The following TTLL9 variants were observed in gnomAD, a reference collection of about 807,000 sequenced individuals.
TTLL9 encodes probable tubulin polyglutamylase TTLL9.
In TTLL9, 47 loss-of-function variants were observed where a neutral mutation model predicts 65.6. That is an observed-to-expected ratio of 0.72 (90% confidence interval 0.57 to 0.91). The LOEUF (loss-of-function observed/expected upper bound fraction) is 0.91. Ranked by LOEUF, TTLL9 falls within the 40% of genes least tolerant of loss-of-function variation. The probability of loss-of-function intolerance (pLI) is 0.00; values close to 1 mark genes in which losing one functional copy is unlikely to be tolerated. For synonymous variants in TTLL9, 179 were observed against 204.8 expected, an observed-to-expected ratio of 0.87 and a Z score of 1.07; for missense variants, 537 against 568.8, an observed-to-expected ratio of 0.94 and a Z score of 0.57.
At chr20:31,873,279 T>C (rs973999091) in intron 2 of TTLL9, among the ~76,000 whole-genome samples, 1 of 152,198 alleles carries the variant, frequency 6.6e-6, no homozygotes, top group African/African-American at 2.4e-5. Context: ...TATTGGGCAC[T>C]GAGCTATATG....
At position 31,944,463 on chromosome 20, in the gene TTLL9, C is replaced by T. The variant is rs935868045; in HGVS notation, c.*1442C>T. The stretch of plus-strand genomic sequence containing the variant: ...TCTCCTTCCCTCCCACCTGTGCGCC[C>T]CAACCCTGCAGGTGCTGTTCTGAGG... On this transcript the variant is annotated 3_prime_UTR_variant, in exon 15 of 15. Coordinates refer to ENST00000535842, the MANE Select transcript of TTLL9 (RefSeq NM_001008409.5). 1 of 152,860 alleles carries T rather than the reference C, an allele frequency of 6.5e-6. No homozygotes were observed. Among genetic ancestry groups the T allele is most frequent in the Non-Finnish European group, 1.5e-5 (1 of 68,512 alleles). 9.5% of individuals were successfully genotyped at this position (152,860 alleles called of 1,614,324 possible). A position where few individuals can be genotyped will look rare whatever the true frequency, so the allele number is the denominator to read the frequency against.
At chr20:31,940,292 A>C (rs1446443544) in intron 14 of TTLL9, 1 of 152,178 alleles carries the variant, frequency 6.6e-6, no homozygotes, top group East Asian at 1.9e-4. Flanking sequence ...ATTACTGGTG[A>C]GGTTTCCGTT....
intron 5 of TTLL9, among the ~76,000 whole-genome samples, chr20:31,909,421 C>T (rs891394116): frequency 2.6e-5 from 4 of 152,174 alleles, no homozygotes; most frequent in South Asian, 2.1e-4. Flanking sequence ...GGATTACAGG[C>T]GTGAGCCACT....
intron 4 of TTLL9, among the ~76,000 whole-genome samples, chr20:31,905,197 A>G (rs979283097): frequency 3.9e-5 from 6 of 152,034 alleles, no homozygotes; most frequent in African/African-American, 1.4e-4. Flanking sequence ...CAGCCTCCCA[A>G]GTAACTGGGA....
chr20:31,902,163 C>T (rs895138381), intron 4 of TTLL9, among the ~76,000 whole-genome samples: 8 of 152,104 alleles, frequency 5.3e-5, no homozygotes, highest in Non-Finnish European at 1.2e-4. Flanking sequence ...AATTCCAGAA[C>T]ATTTTCATCA....
At position 31,902,109 on chromosome 20, in the gene TTLL9, CT is replaced by C. The variant is rs59764711; in HGVS notation, c.206+3553del. ...TCACAAAGTTGTGTAATCATCACCACTTTTTTTTTCCCCCACATACCTGCTG... is the reference window on the plus strand; with the variant it reads ...TCACAAAGTTGTGTAATCATCACCACTTTTTTTTCCCCCACATACCTGCTG... On this transcript the variant is annotated intron_variant, in intron 4 of 14. Transcript: ENST00000535842. Among the ~76,000 whole-genome samples the C allele has an allele frequency of 4.1e-3, 616 of 151,658 alleles. 2 individuals are homozygous for C. The highest frequency in any genetic ancestry group is 0.013 in the African/African-American group (540 of 41,354).
intron 10 of TTLL9, among the ~76,000 whole-genome samples, chr20:31,932,412 C>T (rs1458829375): frequency 3.4e-5 from 5 of 145,626 alleles, no homozygotes; most frequent in African/African-American, 1.3e-4. Context: ...GCGGAGGTTG[C>T]AGTGAGATGA....
At chr20:31,888,907 G>T (rs538038517) in intron 3 of TTLL9, among the ~76,000 whole-genome samples, 2 of 152,028 alleles carry the variant, frequency 1.3e-5, no homozygotes, top group South Asian at 4.2e-4. Flanking sequence ...ATTCATGAGG[G>T]ATCCATTTTC....
At chr20:31,873,737 A>G (rs1274198817) in intron 2 of TTLL9, among the ~76,000 whole-genome samples, 2,646 of 133,036 alleles carry the variant, frequency 0.02, 27 homozygotes, top group Non-Finnish European at 0.031. Flanking sequence ...AAAGAAAGAA[A>G]AAGGAAGGAA....
intron 14 of TTLL9, among the ~76,000 whole-genome samples, chr20:31,941,735 T>G (rs1442363726): frequency 3.3e-5 from 5 of 152,102 alleles, no homozygotes; most frequent in African/African-American, 7.2e-5. Flanking sequence ...AATTTTATTT[T>G]TGTGTGTGTG....
intron 4 of TTLL9, among the ~76,000 whole-genome samples, chr20:31,906,248 G>A (rs1568783370): frequency 6.6e-6 from 1 of 152,132 alleles, no homozygotes; most frequent in Non-Finnish European, 1.5e-5. Flanking sequence ...TGACATTGGG[G>A]GCATCAGCTG....
rs548292055 is a variant in TTLL9, at chr20:31,894,204, A to G, written c.114-4269A>G. ...CTGCAGCTTTAACCTCCTGGGCTCA[A>G]GTGATCCTCCCACCTCAGCTCCCCA... On this transcript the variant is annotated intron_variant, in intron 3 of 14. Coordinates refer to ENST00000535842, the MANE Select transcript of TTLL9 (RefSeq NM_001008409.5). Among the ~76,000 whole-genome samples the G allele has an allele frequency of 6.8e-5, 10 of 146,762 alleles. No individual in the cohort carries two copies. The South Asian group carries it at 1.7e-3, about 25-fold the overall frequency.
At chr20:31,926,737 C>T (rs1272687787) in intron 10 of TTLL9, among the ~76,000 whole-genome samples, 1 of 152,142 alleles carries the variant, frequency 6.6e-6, no homozygotes, top group Non-Finnish European at 1.5e-5. Flanking sequence ...AAACAATTTC[C>T]AAGATATATT....
At chr20:31,916,787 C>T (rs1019856285) in intron 6 of TTLL9, among the ~76,000 whole-genome samples, 7 of 152,182 alleles carry the variant, frequency 4.6e-5, no homozygotes, top group South Asian at 4.1e-4. Context: ...TATTTCTTCC[C>T]GATCCCCTTT....
At chr20:31,911,247 C>G (rs1486193105) in intron 6 of TTLL9, among the ~76,000 whole-genome samples, 1 of 152,182 alleles carries the variant, frequency 6.6e-6, no homozygotes, top group Non-Finnish European at 1.5e-5. Context: ...TCACTCAGCC[C>G]TTTCTGGTGC....
intron 2 of TTLL9, among the ~76,000 whole-genome samples, chr20:31,877,189 T>A (rs1448190918): frequency 2.0e-5 from 3 of 152,166 alleles, no homozygotes; most frequent in African/African-American, 7.2e-5. Context: ...CCATGTCTTT[T>A]GTGCAGTGGC....
intron 3 of TTLL9, among the ~76,000 whole-genome samples, chr20:31,894,098 C>CTTTTTTTTTTT (rs1162101774): frequency 1.3e-4 from 12 of 92,088 alleles, no homozygotes; most frequent in Non-Finnish European, 1.7e-4. Context: ...CCATTTGGTT[C>CTTTTTTTTTTT]TTTTTTTTTT....
intron 8 of TTLL9, among the ~76,000 whole-genome samples, chr20:31,924,383 C>A (rs2063860058): frequency 6.6e-6 from 1 of 152,154 alleles, no homozygotes; most frequent in South Asian, 2.1e-4. Context: ...GGCCCAAGCT[C>A]TTTCCCCCTC....
chr20:31,922,895 A>C, intron 7 of TTLL9, 68 bp from the exon 8 acceptor site: 1 of 1,329,380 alleles, frequency 7.5e-7, no homozygotes, highest in Non-Finnish European at 1.1e-6. Flanking sequence ...GTAGTGTCTA[A>C]CAGAATACCT....
Sources: gnomAD v4.1 joint callset for allele counts (sites outside exome capture counted in the v4.1 genomes callset) on GRCh38, gnomAD v4.1.1 for gene constraint, MANE v1.5 for transcripts, NCBI Gene and HGNC (gene_info 2026-07-23, HGNC 2026-07-21) for gene names.